The following CHODL variants were observed in gnomAD, a reference collection of about 807,000 sequenced individuals.
CHODL encodes the protein transmembrane protein MT75.
Under a neutral mutation model 34.5 loss-of-function variants are expected in CHODL, and 29 were observed. The ratio of observed to expected loss-of-function variants is 0.84; its 90% CI spans 0.63 to 1.15. The LOEUF is 1.15. Ranked by LOEUF, CHODL falls within the 50% of genes most tolerant of loss-of-function variation. The pLI is 0.00. For missense variants in CHODL, 332 were observed against 332.5 expected, an observed-to-expected ratio of 1.00 and a Z score of 0.01; for synonymous variants, 125 against 116.1, an observed-to-expected ratio of 1.08 and a Z score of -0.49.
chr21:18,084,415 C>T lies in CHODL; in HGVS notation c.-45+56444C>T, dbSNP rs143988827. 3.5e-3 allele frequency among the ~76,000 whole-genome samples: 538 copies of T among 152,180 alleles called. 8 individuals are homozygous for T. Among genetic ancestry groups the T allele is most frequent in the East Asian group, 3.7e-3 (19 of 5,174 alleles). On this transcript the variant is annotated intron_variant, in intron 2 of 6. Transcript: ENST00000400127. ...CGTAGGTATTTAATGCTAAAAACGT[C>T]CCTTTTAGCACTGCTTTTGCTGTAT...
intron 1 of CHODL, among the ~76,000 whole-genome samples, chr21:18,001,569 T>C (rs920042610): frequency 1.1e-4 from 17 of 152,260 alleles, no homozygotes; most frequent in African/African-American, 4.1e-4. Flanking sequence ...CACATGTTTC[T>C]GCTGCCAGAA....
intron 2 of CHODL, among the ~76,000 whole-genome samples, chr21:18,119,779 T>C (rs567734968): frequency 9.1e-4 from 139 of 152,256 alleles, no homozygotes; most frequent in African/African-American, 3.2e-3. Context: ...AAATTATATA[T>C]GAGCATTGGA....
intron 1 of CHODL, among the ~76,000 whole-genome samples, chr21:17,998,957 C>T (rs920940524): frequency 5.9e-5 from 9 of 152,152 alleles, no homozygotes; most frequent in Admixed American, 5.9e-4. Flanking sequence ...TTGAATTTCT[C>T]CTCAAAAAAT....
chr21:17,990,111 G>A (rs1451816846), intron 1 of CHODL, among the ~76,000 whole-genome samples: 1 of 151,990 alleles, frequency 6.6e-6, no homozygotes. Flanking sequence ...CTGCTCATGA[G>A]ATGTCATTGT....
chr21:18,056,742 T>C (rs187663059), intron 2 of CHODL, among the ~76,000 whole-genome samples: 4 of 152,182 alleles, frequency 2.6e-5, no homozygotes, highest in African/African-American at 7.2e-5. Flanking sequence ...TGTTTTTCCT[T>C]TCTGTTATTA....
At chr21:18,230,774 C>T (rs2073971344) in intron 2 of CHODL, among the ~76,000 whole-genome samples, 1 of 152,010 alleles carries the variant, frequency 6.6e-6, no homozygotes. Flanking sequence ...AAATGTATGA[C>T]TAAGAATCAC....
At chr21:18,146,564 T>A (rs945637711) in intron 2 of CHODL, among the ~76,000 whole-genome samples, 1 of 152,148 alleles carries the variant, frequency 6.6e-6, no homozygotes, top group Non-Finnish European at 1.5e-5. Context: ...CGTTGTTTGC[T>A]TCCCCTTCCA....
chr21:18,191,346 A>T (rs1371879434), intron 2 of CHODL, among the ~76,000 whole-genome samples: 3 of 151,886 alleles, frequency 2.0e-5, no homozygotes, highest in Non-Finnish European at 4.4e-5. Context: ...AGTTGAAGAT[A>T]AAAAAAATGG....
intron 2 of CHODL, among the ~76,000 whole-genome samples, chr21:18,093,071 G>T (rs113441014): frequency 0.034 from 5,120 of 152,152 alleles, 285 homozygotes; most frequent in African/African-American, 0.12. Flanking sequence ...TATCAAAAAG[G>T]GATCCTAAAA....
At chr21:18,108,780 TTATGAATAGC>T (rs2065307463) in intron 2 of CHODL, among the ~76,000 whole-genome samples, 1 of 152,072 alleles carries the variant, frequency 6.6e-6, no homozygotes, top group Non-Finnish European at 1.5e-5. Flanking sequence ...AAAGACGCCT[TTATGAATAGC>T]TATGGAGACG....
chr21:17,918,766 T>C (rs146671408), intron 1 of CHODL, among the ~76,000 whole-genome samples: 2 of 152,164 alleles, frequency 1.3e-5, no homozygotes, highest in Admixed American at 6.5e-5. Flanking sequence ...TCTACAGTCC[T>C]AAGTCTTATC....
intron 1 of CHODL, among the ~76,000 whole-genome samples, chr21:18,247,970 T>C (rs1401706607): frequency 6.6e-6 from 1 of 152,032 alleles, no homozygotes; most frequent in African/African-American, 2.4e-5. Context: ...GAGCAAGTGA[T>C]ACTTTTAAAC....
chr21:17,994,174 A>G (rs1425512411), intron 1 of CHODL, among the ~76,000 whole-genome samples: 1 of 151,602 alleles, frequency 6.6e-6, no homozygotes, highest in African/African-American at 2.4e-5. Flanking sequence ...TTGTTTATCT[A>G]GTTCCTTGAG....
At chr21:18,176,838 G>T (rs2073320903) in intron 2 of CHODL, among the ~76,000 whole-genome samples, 1 of 152,030 alleles carries the variant, frequency 6.6e-6, no homozygotes, top group South Asian at 2.1e-4. Flanking sequence ...TAGGAGAAGA[G>T]AAATTGGAGG....
chr21:18,018,792 T>C (rs1435460211), intron 1 of CHODL, among the ~76,000 whole-genome samples: 1 of 152,224 alleles, frequency 6.6e-6, no homozygotes, highest in Non-Finnish European at 1.5e-5. Context: ...TGCACCAGCC[T>C]ACAGTCCTAC....
intron 1 of CHODL, among the ~76,000 whole-genome samples, chr21:18,025,651 C>T (rs1379261977): frequency 6.6e-6 from 1 of 151,814 alleles, no homozygotes; most frequent in Non-Finnish European, 1.5e-5. Flanking sequence ...CTAGGGCTGC[C>T]GTAACAAAAT....
chr21:17,963,287 G>A (rs1199855429), intron 1 of CHODL, among the ~76,000 whole-genome samples: 1 of 152,080 alleles, frequency 6.6e-6, no homozygotes, highest in Non-Finnish European at 1.5e-5. Flanking sequence ...TAATTACGTA[G>A]AAAAATGTTA....
At chr21:18,018,522 A>G (rs158054) in intron 1 of CHODL, among the ~76,000 whole-genome samples, 5,307 of 152,142 alleles carry the variant, frequency 0.035, 256 homozygotes, top group African/African-American at 0.11. Context: ...CTTTTGCCAT[A>G]TGACATGCTT....
intron 1 of CHODL, among the ~76,000 whole-genome samples, chr21:17,990,498 T>C (rs1316735383): frequency 1.3e-5 from 2 of 152,162 alleles, no homozygotes; most frequent in Non-Finnish European, 2.9e-5. Flanking sequence ...AATATTTGGT[T>C]ACATTGTTAT....
Sources: gnomAD v4.1 joint callset for allele counts (sites outside exome capture counted in the v4.1 genomes callset) on GRCh38, gnomAD v4.1.1 for gene constraint, MANE v1.5 for transcripts, NCBI Gene and HGNC (gene_info 2026-07-23, HGNC 2026-07-21) for gene names.